The following TIE1 variants were observed in gnomAD, a reference collection of about 807,000 sequenced individuals.
TIE1 encodes the protein tyrosine kinase with immunoglobulin like and EGF like domains 1, also known as tyrosine-protein kinase receptor Tie-1.
TIE1 carries 89 observed loss-of-function variants against 130.5 expected under a neutral mutation model. That is an observed-to-expected ratio of 0.68 (90% CI 0.57 to 0.81). TIE1 has a LOEUF of 0.81. TIE1 is among the 40% of genes least tolerant of loss of function. The pLI is 0.00. For synonymous variants in TIE1, 568 were observed against 629.4 expected, an observed-to-expected ratio of 0.90 and a Z score of 1.46; for missense variants, 1,392 against 1,559.8, an observed-to-expected ratio of 0.89 and a Z score of 1.81.
At chr1:43,311,481 C>G (rs1418389330) in intron 9 of TIE1, among the ~76,000 whole-genome samples, 190 bp from the exon 10 acceptor site, 1 of 152,060 alleles carries the variant, frequency 6.6e-6, no homozygotes, top group African/African-American at 2.4e-5. Context: ...ACCCTCATGC[C>G]TTTATTGCTT....
Position 43,313,655 on chromosome 1 carries a change from C to A in TIE1, c.2219-123C>A. 8.5e-7 allele frequency: 1 copy of A among 1,182,098 alleles called. No individual in the cohort carries two copies. The highest frequency in any genetic ancestry group is 1.2e-6 in the Non-Finnish European group (1 of 858,112). The allele number at this position is 1,182,098 out of a possible 1,614,324, so 73.2% of individuals were successfully genotyped here. ...CCCTCATCCCTTCCTTCATGTGGCCCAAGTGATTTCCTGACAGTCCTGGCA... is the reference window on the plus strand; with the variant it reads ...CCCTCATCCCTTCCTTCATGTGGCCAAAGTGATTTCCTGACAGTCCTGGCA... On this transcript the variant is annotated intron_variant, in intron 13 of 22. Transcript: ENST00000372476. This position sits in a 1 kb window ranked among gnomAD's most constrained non-coding sequence, Gnocchi z 6.2.
rs911921667 is a variant in TIE1 at position 43,315,629 on chromosome 1, G to A, written c.2410-1570G>A. Among the ~76,000 whole-genome samples, 1 of 152,098 alleles carries A rather than the reference G, an allele frequency of 6.6e-6. No homozygotes were observed. The highest frequency in any genetic ancestry group is 6.5e-5 in the Admixed American group (1 of 15,274). ...ATATCACGCCACTGCACTCCAGCCT[G>A]GATGACAGAGTGAGTGAGACTCCAT... On this transcript the variant is annotated intron_variant, in intron 14 of 22. Transcript: ENST00000372476. The surrounding 1 kb of genome is among the most constrained non-coding windows in gnomAD (Gnocchi z 4.4).
At position 43,306,634 on chromosome 1, in the gene TIE1, C is replaced by G. The variant is rs1273981427; in HGVS notation, c.485-206C>G. Among the ~76,000 whole-genome samples the G allele has an allele frequency of 6.6e-6, 1 of 152,008 alleles. No individual in the cohort carries two copies. The highest frequency in any genetic ancestry group is 2.4e-5 in the African/African-American group (1 of 41,388). On this transcript the variant is annotated intron_variant, in intron 3 of 22. Transcript: ENST00000372476. The surrounding 1 kb of genome is among the most constrained non-coding windows in gnomAD (Gnocchi z 4.9). ...TGAGGAGGAGATGGACTGAGCAGGA[C>G]TTGGTGATTTACTGGGTGGCTGGTG...
intron 14 of TIE1, chr1:43,314,268 A>G (rs1246034807): frequency 2.2e-5 from 19 of 850,614 alleles, no homozygotes; most frequent in African/African-American, 7.0e-5. Flanking sequence ...GGCTCCGTCA[A>G]TTGGAGATTT....
chr1:43,304,498 A>G (rs1244004420), intron 1 of TIE1, among the ~76,000 whole-genome samples: 3 of 152,190 alleles, frequency 2.0e-5, no homozygotes, highest in Admixed American at 6.5e-5. Flanking sequence ...GGAGACAGGG[A>G]GCATAGATCA....
rs894348746 is a variant in TIE1 at position 43,301,274 on chromosome 1, A to G, written c.58+145A>G. The G allele has an allele frequency of 1.3e-5, 12 of 891,566 alleles. No individual in the cohort carries two copies. The African/African-American group carries it at 2.1e-4, about 15-fold the overall frequency. 55.2% of individuals were successfully genotyped at this position (891,566 alleles called of 1,614,324 possible). ...GAGGAAGAAATGGGGAGTTTTGTTT[A>G]AAAGGTACAGCGTTTTTACAAGATT... On this transcript the variant is annotated intron_variant, in intron 1 of 22. Transcript: ENST00000372476.
At chr1:43,321,556 C>A (rs1473312874) in intron 21 of TIE1, 60 bp from the exon 22 acceptor site, 3 of 1,558,476 alleles carry the variant, frequency 1.9e-6, no homozygotes, top group Non-Finnish European at 2.6e-6. Context: ...CAGCTTTGAT[C>A]CCTGTGACCC....
rs1646927228 is a variant in TIE1, at chr1:43,322,189, C to A, written c.3346-462C>A. The stretch of plus-strand genomic sequence containing the variant: ...TGAACATGTAATTCAATAACTCAAT[C>A]TACTAACCATGTGAATAAGTGAATT... On this transcript the variant is annotated intron_variant, in intron 22 of 22. Coordinates refer to ENST00000372476, the MANE Select transcript of TIE1 (RefSeq NM_005424.5). This position sits in a 1 kb window ranked among gnomAD's most constrained non-coding sequence, Gnocchi z 4.0. Among the ~76,000 whole-genome samples, 1 of 152,124 alleles carries A rather than the reference C, an allele frequency of 6.6e-6. No individual in the cohort carries two copies. The highest frequency in any genetic ancestry group is 1.5e-5 in the Non-Finnish European group (1 of 68,022).
rs766446854 is a variant in TIE1 at position 43,321,302 on chromosome 1, G to A, written c.3141G>A (p.Val1047=). The A allele has an allele frequency of 5.6e-6, 9 of 1,613,954 alleles. No individual in the cohort carries two copies. Among genetic ancestry groups the A allele is most frequent in the Non-Finnish European group, 7.6e-6 (9 of 1,180,014 alleles). ...WSFGVLLWEI[V]SLGGTPYCGM... is the part of the protein sequence containing the mutation. Reference sequence around the variant, plus strand: ...TTGGAGTCCTTCTTTGGGAGATAGTGAGCCTTGGTGAGTTCCTGATCCCCG... The same window carrying A: ...TTGGAGTCCTTCTTTGGGAGATAGTAAGCCTTGGTGAGTTCCTGATCCCCG... Residue 1047 remains valine, a synonymous_variant, in exon 20 of 23, where the codon GTG becomes GTA. Transcript: ENST00000372476.
chr1:43,302,910 T>C (rs1429344238), intron 1 of TIE1, among the ~76,000 whole-genome samples: 3 of 152,226 alleles, frequency 2.0e-5, no homozygotes, highest in East Asian at 1.9e-4. Flanking sequence ...CAGAATTCTA[T>C]GACTGATGAG....
rs996285966 is a variant in TIE1, at chr1:43,322,902, T to C, written c.*180T>C. ...TTAGGGGAACTGGGTTCCCATGCTT[T>C]GTAGGTGTCTCATAGCTATCCTGGG... On this transcript the variant is annotated 3_prime_UTR_variant, in exon 23 of 23. Transcript: ENST00000372476. This position sits in a 1 kb window ranked among gnomAD's most constrained non-coding sequence, Gnocchi z 4.0. 2.5e-5 allele frequency: 15 copies of C among 591,840 alleles called. No homozygotes were observed. The highest frequency in any genetic ancestry group is 4.5e-5 in the Non-Finnish European group (15 of 332,406). The allele number at this position is 591,840 out of a possible 1,614,324, so 36.7% of individuals were successfully genotyped here.
At chr1:43,321,135 T>C in intron 19 of TIE1, 134 bp from the exon 20 acceptor site, 1 of 910,694 alleles carries the variant, frequency 1.1e-6, no homozygotes, top group Non-Finnish European at 1.8e-6. Context: ...AGACAACAGC[T>C]GGCCAAGGCC....
At chr1:43,308,755 G>A in intron 7 of TIE1, 2 of 635,126 alleles carry the variant, frequency 3.1e-6, no homozygotes, top group Admixed American at 2.1e-5. Flanking sequence ...GGGGTCTGCT[G>A]GCAGGTATTA....
In TIE1 at chr1:43,313,863, C is replaced by T. The variant is rs142835682; in HGVS notation, c.2304C>T (p.Ser768=). Residue 768 remains serine (S), a synonymous_variant, in exon 14 of 23, where the codon TCC becomes TCT. Coordinates refer to ENST00000372476, the MANE Select transcript of TIE1 (RefSeq NM_005424.5). This position sits in a 1 kb window ranked among gnomAD's most constrained non-coding sequence, Gnocchi z 6.2. ...AGCTGATCCTGGCGGTGGTGGGCTC[C>T]GTGTCTGCCACCTGCCTCACCATCC... ...DQQLILAVVG[S]VSATCLTILA... 485 of 1,614,084 alleles carry T rather than the reference C, an allele frequency of 3.0e-4. 1 individual carries two copies. In the African/African-American group the frequency reaches 5.7e-3, roughly 19 times the overall value.
chr1:43,313,647 A>C lies in TIE1; in HGVS notation c.2219-131A>C, dbSNP rs1277954144. ...TCTGACACCCCTCATCCCTTCCTTC[A>C]TGTGGCCCAAGTGATTTCCTGACAG... On this transcript the variant is annotated intron_variant, in intron 13 of 22. Coordinates refer to ENST00000372476, the MANE Select transcript of TIE1 (RefSeq NM_005424.5). The surrounding 1 kb of genome is among the most constrained non-coding windows in gnomAD (Gnocchi z 6.2). 2.7e-6 allele frequency: 3 copies of C among 1,125,564 alleles called. No individual in the cohort carries two copies. In the Admixed American group the frequency reaches 8.0e-5, roughly 30 times the overall value. The allele number at this position is 1,125,564 out of a possible 1,614,324, so 69.7% of individuals were successfully genotyped here.
chr1:43,304,443 G>C (rs965986357), intron 1 of TIE1, among the ~76,000 whole-genome samples: 16 of 152,240 alleles, frequency 1.1e-4, no homozygotes, highest in African/African-American at 3.4e-4. Flanking sequence ...GGCAGTTTTA[G>C]AGACGAGTGG....
intron 1 of TIE1, 26 bp from the exon 2 acceptor site, chr1:43,304,825 T>C (rs537017934): frequency 5.0e-5 from 71 of 1,411,538 alleles, no homozygotes; most frequent in East Asian, 2.4e-4. Flanking sequence ...GGGACTACAA[T>C]AGAGTCACTG....
chr1:43,321,136 G>A (rs1646915656), intron 19 of TIE1, 133 bp from the exon 20 acceptor site: 1 of 925,402 alleles, frequency 1.1e-6, no homozygotes, highest in Non-Finnish European at 1.8e-6. Context: ...GACAACAGCT[G>A]GCCAAGGCCA....
intron 1 of TIE1, among the ~76,000 whole-genome samples, chr1:43,301,882 T>C (rs577005643): frequency 1.2e-3 from 189 of 152,256 alleles, no homozygotes; most frequent in Non-Finnish European, 2.0e-3. Flanking sequence ...GAAAAAAAGA[T>C]GGTAAAATTT....
Sources: gnomAD v4.1 joint callset for allele counts (sites outside exome capture counted in the v4.1 genomes callset) on GRCh38, gnomAD v4.1.1 for gene constraint, Gnocchi (gnomAD v3.1) non-coding constraint, MANE v1.5 for transcripts, NCBI Gene and HGNC (gene_info 2026-07-23, HGNC 2026-07-21) for gene names.